DLG2: variants seen among roughly 807,000 people sequenced by gnomAD.
The protein encoded by DLG2 is disks large homolog 2.
In DLG2, 45 loss-of-function variants were observed where a neutral mutation model predicts 132.5. That is an observed-to-expected ratio of 0.34 (90% CI 0.27 to 0.44). The LOEUF (loss-of-function observed/expected upper bound fraction) is 0.44, where lower values mean the gene tolerates loss of function less well. Ranked by LOEUF, DLG2 falls within the 20% of genes least tolerant of loss-of-function variation. The pLI, the probability that DLG2 is intolerant of heterozygous loss-of-function variation, is 1.00. For missense variants in DLG2, 1,045 were observed against 1,196.9 expected (o/e 0.87, Z 1.87); for synonymous variants, 424 against 419.6 (o/e 1.01, Z -0.13).
Position 85,547,335 on chromosome 11 carries a change from G to A in DLG2, c.40+51322C>T, listed in dbSNP as rs538261157. 3.3e-5 allele frequency among the ~76,000 whole-genome samples: 5 copies of A among 152,328 alleles called. No homozygotes were observed. The South Asian group carries it at 8.3e-4, about 25-fold the overall frequency. On this transcript the variant is annotated intron_variant, in intron 3 of 27. Transcript: ENST00000376104. The stretch of plus-strand genomic sequence containing the variant: ...ATCAGCCCCCACTCTCTTTTGGCTT[G>A]TAGGGTTTCTGCAGAGAGATCTACT...
At position 84,099,063 on chromosome 11, in the gene DLG2, G is replaced by T. The variant is rs768582734; in HGVS notation, c.625-16C>A. ...CAGAATTCCCCTATAGAAACAAAAA[G>T]CAGATATTAAATGATGTGTCTGTCA... is the stretch of plus-strand genomic sequence containing the variant. On this transcript the variant is annotated splice_polypyrimidine_tract_variant and intron_variant, in intron 9 of 27. Coordinates refer to ENST00000376104, the MANE Select transcript of DLG2 (RefSeq NM_001142699.3). 23 of 1,611,034 alleles carry T rather than the reference G, an allele frequency of 1.4e-5. No homozygotes were observed. The highest frequency in any genetic ancestry group is 9.4e-5 in the African/African-American group (7 of 74,830).
intron 6 of DLG2, among the ~76,000 whole-genome samples, chr11:84,813,107 T>A (rs1255441588): frequency 6.6e-6 from 1 of 152,086 alleles, no homozygotes; most frequent in African/African-American, 2.4e-5. Context: ...AATATATAGA[T>A]GAGAAACAGG....
intron 18 of DLG2, among the ~76,000 whole-genome samples, chr11:83,650,128 A>G (rs1035949724): frequency 6.6e-6 from 1 of 152,212 alleles, no homozygotes; most frequent in East Asian, 1.9e-4. Context: ...TTTGACTGTA[A>G]TGCCCGTGTG....
chr11:85,282,901 C>T (rs1177090708), intron 4 of DLG2, among the ~76,000 whole-genome samples: 2 of 151,928 alleles, frequency 1.3e-5, no homozygotes, highest in South Asian at 4.1e-4. Flanking sequence ...GAATACTACA[C>T]AGCCATAAAA....
intron 6 of DLG2, among the ~76,000 whole-genome samples, chr11:84,825,948 C>A (rs1051472067): frequency 6.6e-6 from 1 of 151,838 alleles, no homozygotes; most frequent in Non-Finnish European, 1.5e-5. Context: ...CTCCTCCAAA[C>A]CAGAAAAACA....
intron 6 of DLG2, among the ~76,000 whole-genome samples, chr11:84,768,164 T>C (rs2068706678): frequency 6.6e-6 from 1 of 152,180 alleles, no homozygotes; most frequent in East Asian, 1.9e-4. Context: ...TAAATAAAGT[T>C]ATGCACAAAG....
At chr11:84,915,869 T>A (rs1180318008) in intron 6 of DLG2, among the ~76,000 whole-genome samples, 1 of 152,136 alleles carries the variant, frequency 6.6e-6, no homozygotes, top group Middle Eastern at 3.2e-3. Context: ...TGCAAGGCAA[T>A]GTGTACAAAA....
intron 11 of DLG2, among the ~76,000 whole-genome samples, chr11:84,052,815 A>T (rs1046590509): frequency 6.6e-6 from 1 of 151,990 alleles, no homozygotes; most frequent in Non-Finnish European, 1.5e-5. Flanking sequence ...ATGCTTTTAC[A>T]TTGTTGGTAG....
chr11:84,981,721 C>A (rs532648165), intron 6 of DLG2, among the ~76,000 whole-genome samples: 1 of 152,076 alleles, frequency 6.6e-6, no homozygotes, highest in East Asian at 1.9e-4. Context: ...GCTCTCATGA[C>A]TATTACATCC....
At chr11:85,473,010 G>C (rs2093033540) in intron 3 of DLG2, among the ~76,000 whole-genome samples, 1 of 152,214 alleles carries the variant, frequency 6.6e-6, no homozygotes. Context: ...GTGGTTGCTG[G>C]CATCTCCAAG....
chr11:84,605,543 T>C (rs1369314326), intron 6 of DLG2, among the ~76,000 whole-genome samples: 3 of 148,594 alleles, frequency 2.0e-5, no homozygotes, highest in Non-Finnish European at 4.5e-5. Context: ...TCTTTGCATA[T>C]AAGCATCCAT....
intron 6 of DLG2, among the ~76,000 whole-genome samples, chr11:84,584,309 C>T (rs1173436572): frequency 6.6e-6 from 1 of 151,842 alleles, no homozygotes; most frequent in African/African-American, 2.4e-5. Flanking sequence ...TATTTGTTTA[C>T]CTTTTCTTTT....
At chr11:83,531,839 A>G (rs950151248) in intron 21 of DLG2, among the ~76,000 whole-genome samples, 3 of 152,154 alleles carry the variant, frequency 2.0e-5, no homozygotes, top group Non-Finnish European at 4.4e-5. Flanking sequence ...GTACTTACAC[A>G]TTCTACAACA....
intron 14 of DLG2, among the ~76,000 whole-genome samples, chr11:83,935,754 C>T (rs2081297676): frequency 6.6e-6 from 1 of 152,028 alleles, no homozygotes; most frequent in East Asian, 1.9e-4. Flanking sequence ...TTTCTGTTTA[C>T]CAGAAAAATT....
chr11:84,215,093 A>G (rs1390813610), intron 8 of DLG2, among the ~76,000 whole-genome samples: 2 of 152,208 alleles, frequency 1.3e-5, no homozygotes, highest in African/African-American at 4.8e-5. Context: ...AAACACAGAA[A>G]GAAGAATATG....
At chr11:84,639,348 G>GTTTTTTTTT (rs550030032) in intron 6 of DLG2, among the ~76,000 whole-genome samples, 2 of 126,810 alleles carry the variant, frequency 1.6e-5, no homozygotes. Context: ...AGATATCTGT[G>GTTTTTTTTT]TTTTTTTTTT....
chr11:84,639,309 G>T (rs2099648464), intron 6 of DLG2, among the ~76,000 whole-genome samples: 1 of 147,732 alleles, frequency 6.8e-6, no homozygotes. Context: ...TTCATGTTCT[G>T]AAATGGCAAT....
chr11:84,233,349 C>A (rs1013762730), intron 8 of DLG2, among the ~76,000 whole-genome samples: 14 of 152,086 alleles, frequency 9.2e-5, no homozygotes, highest in African/African-American at 3.4e-4. Context: ...CAAAACGCAG[C>A]CCAAGAAATT....
chr11:84,190,652 G>T (rs1480478838), intron 8 of DLG2, among the ~76,000 whole-genome samples: 1 of 152,154 alleles, frequency 6.6e-6, no homozygotes, highest in Non-Finnish European at 1.5e-5. Context: ...ACATTCAATG[G>T]AAATAGCAAC....
Sources: allele counts gnomAD v4.1 joint callset (sites outside exome capture counted in the v4.1 genomes callset), GRCh38; gene constraint gnomAD v4.1.1; transcripts MANE v1.5; gene names NCBI Gene and HGNC (gene_info 2026-07-23, HGNC 2026-07-21).